Variants in HCN1 observed in about 807,000 individuals in gnomAD.
HCN1 encodes hyperpolarization activated cyclic nucleotide gated potassium channel 1.
In HCN1, 13 loss-of-function variants were observed where a neutral mutation model predicts 78.9. That is an observed-to-expected ratio of 0.16 (90% CI 0.11 to 0.26). The LOEUF (loss-of-function observed/expected upper bound fraction) is 0.26, where lower values mean the gene tolerates loss of function less well. Ranked by LOEUF, HCN1 falls within the 10% of genes least tolerant of loss-of-function variation. The pLI, the probability that HCN1 is intolerant of heterozygous loss-of-function variation, is 1.00. For synonymous variants in HCN1, 552 were observed against 455.5 expected, an observed-to-expected ratio of 1.21 and a Z score of -2.70; for missense variants, 810 against 1,154.3, an observed-to-expected ratio of 0.70 and a Z score of 4.32.
intron 3 of HCN1, among the ~76,000 whole-genome samples, chr5:45,401,561 T>A (rs1739804639): frequency 6.6e-6 from 1 of 152,072 alleles, no homozygotes; most frequent in East Asian, 1.9e-4. Context: ...ATTAAAAAGC[T>A]ATCTCTAAAT....
intron 5 of HCN1, among the ~76,000 whole-genome samples, chr5:45,314,251 C>A (rs1476718139): frequency 6.6e-6 from 1 of 152,106 alleles, no homozygotes; most frequent in Non-Finnish European, 1.5e-5. Flanking sequence ...AATTTCATAT[C>A]CAGCCAAACT....
chr5:45,354,011 T>TATA lies in HCN1; in HGVS notation c.1231-768_1231-766dup, dbSNP rs1746962846. Among the ~76,000 whole-genome samples, 2 of 151,856 alleles carry TATA rather than the reference T, an allele frequency of 1.3e-5. 1 individual carries two copies. The highest frequency in any genetic ancestry group is 4.1e-4 in the South Asian group (2 of 4,830). ...GATTCTATTGACCTATCTGCCTATT[T>TATA]ATATTTATACACACATGCGCGTGCA... is the stretch of plus-strand genomic sequence containing the variant. On this transcript the variant is annotated intron_variant, in intron 4 of 7. Coordinates refer to ENST00000303230, the MANE Select transcript of HCN1 (RefSeq NM_021072.4).
At chr5:45,565,215 G>A (rs1743682211) in intron 2 of HCN1, among the ~76,000 whole-genome samples, 1 of 152,056 alleles carries the variant, frequency 6.6e-6, no homozygotes, top group South Asian at 2.1e-4. Context: ...TCTTTTAAGG[G>A]AATGATATTA....
At chr5:45,395,248 G>A (rs188805300) in intron 4 of HCN1, among the ~76,000 whole-genome samples, 138 of 152,044 alleles carry the variant, frequency 9.1e-4, no homozygotes, top group African/African-American at 3.2e-3. Context: ...CAGATTTAAC[G>A]TGATGTAGTC....
intron 4 of HCN1, among the ~76,000 whole-genome samples, chr5:45,380,649 G>A (rs574619445): frequency 6.6e-6 from 1 of 152,100 alleles, no homozygotes; most frequent in Admixed American, 6.6e-5. Context: ...GAGCACATAA[G>A]ACTTCATGGC....
At chr5:45,663,179 C>A (rs1269687320) in intron 1 of HCN1, among the ~76,000 whole-genome samples, 1 of 126,774 alleles carries the variant, frequency 7.9e-6, no homozygotes, top group Non-Finnish European at 1.6e-5. Flanking sequence ...TGATCTTTGA[C>A]AAACCTGAGA....
intron 1 of HCN1, among the ~76,000 whole-genome samples, chr5:45,670,652 C>A (rs1053645406): frequency 4.6e-5 from 7 of 151,700 alleles, no homozygotes; most frequent in Non-Finnish European, 1.0e-4. Context: ...ACATACATTT[C>A]TCTAATATTC....
chr5:45,407,108 C>T (rs1739941298), intron 3 of HCN1, among the ~76,000 whole-genome samples: 1 of 152,138 alleles, frequency 6.6e-6, no homozygotes, highest in South Asian at 2.1e-4. Context: ...TTTCACTCAA[C>T]ACCTGGACAA....
chr5:45,511,452 C>A (rs776767084), intron 2 of HCN1, among the ~76,000 whole-genome samples: 6 of 151,906 alleles, frequency 3.9e-5, no homozygotes, highest in African/African-American at 1.2e-4. Context: ...GAGAAACACA[C>A]CCTCAGCCAG....
rs1392375383 is a variant in HCN1 at position 45,531,049 on chromosome 5, A to AAC, written c.850-69044_850-69043dup. Among the ~76,000 whole-genome samples the AAC allele has an allele frequency of 1.6e-3, 236 of 150,314 alleles. 1 individual carries two copies. The highest frequency in any genetic ancestry group is 0.01 in the South Asian group (50 of 4,764). ...CTGGATGTAAAATTAAAGAAATGCT[A>AAC]ACACACATACACACACACACACACA... On this transcript the variant is annotated intron_variant, in intron 2 of 7. Transcript: ENST00000303230.
intron 2 of HCN1, among the ~76,000 whole-genome samples, chr5:45,640,309 G>A (rs1331291745): frequency 1.3e-5 from 2 of 151,998 alleles, no homozygotes; most frequent in African/African-American, 2.4e-5. Context: ...AGTATTTAGC[G>A]GATAAACATG....
chr5:45,435,358 G>A (rs1233067361), intron 3 of HCN1, among the ~76,000 whole-genome samples: 22 of 151,966 alleles, frequency 1.4e-4, no homozygotes, highest in Non-Finnish European at 5.9e-5. Flanking sequence ...TTTTTAAAAA[G>A]TTGATTATTT....
chr5:45,499,457 TGCGTGGACCCACTGACCTGCGCCC>T (rs1742142002), intron 2 of HCN1, among the ~76,000 whole-genome samples: 1 of 152,132 alleles, frequency 6.6e-6, no homozygotes, highest in Non-Finnish European at 1.5e-5. Flanking sequence ...TCGTGCACGG[TGCGTGGACCCACTGACCTGCGCCC>T]ACTGTCTGGC....
At chr5:45,441,420 G>A (rs1422866168) in intron 3 of HCN1, among the ~76,000 whole-genome samples, 1 of 150,996 alleles carries the variant, frequency 6.6e-6, no homozygotes, top group Admixed American at 6.6e-5. Context: ...AAGGGAGGGA[G>A]GGAGGGAGGG....
At chr5:45,534,047 T>C (rs892501619) in intron 2 of HCN1, among the ~76,000 whole-genome samples, 7 of 152,128 alleles carry the variant, frequency 4.6e-5, no homozygotes, top group African/African-American at 1.7e-4. Flanking sequence ...CTACTGAGCA[T>C]AGATTTCTCA....
At chr5:45,432,134 T>C (rs543790079) in intron 3 of HCN1, among the ~76,000 whole-genome samples, 3 of 152,238 alleles carry the variant, frequency 2.0e-5, no homozygotes, top group East Asian at 1.9e-4. Context: ...GCAGTTCTTA[T>C]TGCAATTTTT....
intron 3 of HCN1, among the ~76,000 whole-genome samples, chr5:45,444,662 A>G (rs77673005): frequency 0.098 from 14,888 of 152,152 alleles, 967 homozygotes; most frequent in Middle Eastern, 0.17. Flanking sequence ...CTTCTTATAT[A>G]ACAAGATATT....
intron 3 of HCN1, among the ~76,000 whole-genome samples, chr5:45,436,118 A>G (rs1450872033): frequency 6.6e-6 from 1 of 152,236 alleles, no homozygotes; most frequent in Non-Finnish European, 1.5e-5. Context: ...ATGTATAGAC[A>G]GCACTTGTGT....
intron 4 of HCN1, among the ~76,000 whole-genome samples, chr5:45,387,857 A>G (rs2112031903): frequency 6.6e-6 from 1 of 152,312 alleles, no homozygotes; most frequent in South Asian, 2.1e-4. Context: ...AGTATGATTT[A>G]TAAATTAGGC....
Sources: gnomAD v4.1 joint callset for allele counts (sites outside exome capture counted in the v4.1 genomes callset) on GRCh38, gnomAD v4.1.1 for gene constraint, MANE v1.5 for transcripts, NCBI Gene and HGNC (gene_info 2026-07-23, HGNC 2026-07-21) for gene names.